GALNT18: variants seen among roughly 807,000 people sequenced by gnomAD.
GALNT18 encodes polypeptide N-acetylgalactosaminyltransferase 18.
GALNT18 carries 44 observed loss-of-function variants against 69.5 expected under a neutral mutation model. The observed-to-expected ratio is 0.63, with a 90% CI of 0.50 to 0.81. GALNT18 has a LOEUF of 0.81. Ranked by LOEUF, GALNT18 falls within the 40% of genes least tolerant of loss-of-function variation. The probability of loss-of-function intolerance (pLI) is 0.00; values close to 1 mark genes in which losing one functional copy is unlikely to be tolerated. For missense variants in GALNT18, 715 were observed against 810.0 expected (o/e 0.88, Z 1.42); for synonymous variants, 364 against 318.2 (o/e 1.14, Z -1.53).
intron 1 of GALNT18, among the ~76,000 whole-genome samples, chr11:11,486,065 C>T (rs1041841820): frequency 4.6e-5 from 7 of 152,138 alleles, no homozygotes; most frequent in African/African-American, 1.7e-4. Flanking sequence ...CACCTTGAGT[C>T]CCTGGGAGTG....
chr11:11,343,022 C>T (rs1850238388), intron 6 of GALNT18, among the ~76,000 whole-genome samples: 1 of 152,132 alleles, frequency 6.6e-6, no homozygotes. Flanking sequence ...GTTATTATGC[C>T]CAATTCCAAG....
chr11:11,441,088 C>T (rs1045105449), intron 2 of GALNT18, among the ~76,000 whole-genome samples: 8 of 152,196 alleles, frequency 5.3e-5, no homozygotes, highest in Admixed American at 5.2e-4. Flanking sequence ...TCTCTTAAAA[C>T]CCAATTCTGC....
intron 2 of GALNT18, among the ~76,000 whole-genome samples, chr11:11,445,517 T>C (rs1189640984): frequency 1.3e-5 from 2 of 152,192 alleles, no homozygotes; most frequent in East Asian, 1.9e-4. Flanking sequence ...AGGGATGTTT[T>C]TATGGAAATT....
chr11:11,464,183 A>G (rs575775547), intron 1 of GALNT18, among the ~76,000 whole-genome samples: 1 of 152,362 alleles, frequency 6.6e-6, no homozygotes, highest in East Asian at 1.9e-4. Flanking sequence ...AGTGGGTCCC[A>G]GGATTTTCCA....
chr11:11,456,685 T>G lies in GALNT18; in HGVS notation c.236-7749A>C, dbSNP rs1291816225. Among the ~76,000 whole-genome samples the G allele has an allele frequency of 2.0e-5, 3 of 152,200 alleles. No homozygotes were observed. In the East Asian group the frequency reaches 5.8e-4, roughly 29 times the overall value. On this transcript the variant is annotated intron_variant, in intron 1 of 10. Coordinates refer to ENST00000227756, the MANE Select transcript of GALNT18 (RefSeq NM_198516.3). The stretch of plus-strand genomic sequence containing the variant: ...TTTTGACTACCAGTTGCTTGAGTCC[T>G]TCCTAGGTGGGCCCCTGTGAATGAG...
intron 1 of GALNT18, among the ~76,000 whole-genome samples, chr11:11,575,261 C>G (rs1858894991): frequency 6.6e-6 from 1 of 152,190 alleles, no homozygotes; most frequent in African/African-American, 2.4e-5. Flanking sequence ...ACTCCAGAGC[C>G]TGCCATCCCT....
At chr11:11,286,726 A>C (rs1012683633) in intron 10 of GALNT18, among the ~76,000 whole-genome samples, 4 of 152,162 alleles carry the variant, frequency 2.6e-5, no homozygotes, top group African/African-American at 9.7e-5. Context: ...TGTGAGACAC[A>C]GTCCTGCCCT....
intron 10 of GALNT18, among the ~76,000 whole-genome samples, chr11:11,274,203 G>C (rs774521451): frequency 7.2e-5 from 11 of 152,196 alleles, no homozygotes; most frequent in Non-Finnish European, 1.0e-4. Flanking sequence ...ACCAGGACCA[G>C]GTGTCTATAC....
chr11:11,324,100 C>A (rs1849879090), intron 9 of GALNT18, among the ~76,000 whole-genome samples: 1 of 152,176 alleles, frequency 6.6e-6, no homozygotes, highest in South Asian at 2.1e-4. Flanking sequence ...ATCTTCAAGA[C>A]AAGAAAGGAG....
At chr11:11,272,513 G>A (rs1014645887) in intron 10 of GALNT18, among the ~76,000 whole-genome samples, 4 of 152,166 alleles carry the variant, frequency 2.6e-5, no homozygotes, top group Non-Finnish European at 5.9e-5. Flanking sequence ...TGCCTTTCTA[G>A]CCTCATCTCT....
chr11:11,284,908 G>GTTCTT (rs1849162016), intron 10 of GALNT18, among the ~76,000 whole-genome samples: 1 of 82,822 alleles, frequency 1.2e-5, no homozygotes, highest in Non-Finnish European at 2.1e-5. Flanking sequence ...AGACTTTCGT[G>GTTCTT]TTTTTTTTTT....
intron 1 of GALNT18, among the ~76,000 whole-genome samples, chr11:11,466,905 A>C (rs986968939): frequency 6.6e-6 from 1 of 152,214 alleles, no homozygotes; most frequent in Admixed American, 6.5e-5. Context: ...CACGCAGATC[A>C]ATGAAAGGAC....
chr11:11,352,648 T>C, intron 6 of GALNT18: 3 of 1,614,196 alleles, frequency 1.9e-6, no homozygotes, highest in Non-Finnish European at 2.5e-6. Flanking sequence ...TTATGGGGCT[T>C]GACATCTCTG....
At chr11:11,452,298 T>C (rs1284003312) in intron 1 of GALNT18, among the ~76,000 whole-genome samples, 3 of 152,228 alleles carry the variant, frequency 2.0e-5, no homozygotes, top group Admixed American at 2.0e-4. Context: ...ACCCTGAGCC[T>C]CAGTTTCCTC....
At chr11:11,380,645 G>T (rs923903892) in intron 3 of GALNT18, among the ~76,000 whole-genome samples, 1 of 152,166 alleles carries the variant, frequency 6.6e-6, no homozygotes, top group Non-Finnish European at 1.5e-5. Flanking sequence ...ACTAAGTCAG[G>T]CCTCCTCCAT....
chr11:11,567,615 G>A (rs530692478), intron 1 of GALNT18, among the ~76,000 whole-genome samples: 1 of 152,224 alleles, frequency 6.6e-6, no homozygotes, highest in Admixed American at 6.5e-5. Flanking sequence ...CCCAAACCCA[G>A]CCAGCCCCAC....
rs1860086184 is a variant in GALNT18 at position 11,617,545 on chromosome 11, C to G, written c.235+3814G>C. Among the ~76,000 whole-genome samples the G allele has an allele frequency of 6.6e-6, 1 of 152,182 alleles. No homozygotes were observed. Among genetic ancestry groups the G allele is most frequent in the Admixed American group, 6.5e-5 (1 of 15,278 alleles). ...ATATAAAATTACATGTAAATCATGA[C>G]TACACCTTCATTTTGAAATATGGAG... On this transcript the variant is annotated intron_variant, in intron 1 of 10. Transcript: ENST00000227756. The surrounding 1 kb of genome is among the most constrained non-coding windows in gnomAD (Gnocchi z 4.7).
At chr11:11,367,464 G>C (rs7950687) in intron 6 of GALNT18, among the ~76,000 whole-genome samples, 7 of 152,154 alleles carry the variant, frequency 4.6e-5, no homozygotes, top group African/African-American at 1.7e-4. Context: ...CAACAGCAAG[G>C]CCTTTCTGGG....
rs1855235035 is a variant in GALNT18, at chr11:11,430,200, T to G, written c.595+2421A>C. 6.6e-6 allele frequency among the ~76,000 whole-genome samples: 1 copy of G among 152,230 alleles called. No individual in the cohort carries two copies. Among genetic ancestry groups the G allele is most frequent in the East Asian group, 1.9e-4 (1 of 5,202 alleles). The stretch of plus-strand genomic sequence containing the variant: ...TGTCTAGAACCCTCTTTGAACTCAC[T>G]GAACCAGAATCTCCTAGGAGAGCTT... On this transcript the variant is annotated intron_variant, in intron 3 of 10. Coordinates refer to ENST00000227756, the MANE Select transcript of GALNT18 (RefSeq NM_198516.3). This position sits in a 1 kb window ranked among gnomAD's most constrained non-coding sequence, Gnocchi z 4.9.
Sources: gnomAD v4.1 joint callset for allele counts (sites outside exome capture counted in the v4.1 genomes callset) on GRCh38, gnomAD v4.1.1 for gene constraint, Gnocchi (gnomAD v3.1) non-coding constraint, MANE v1.5 for transcripts, NCBI Gene and HGNC (gene_info 2026-07-23, HGNC 2026-07-21) for gene names.